The following MAP3K19 variants were observed in gnomAD, a reference collection of about 807,000 sequenced individuals.
MAP3K19 encodes mitogen-activated protein kinase kinase kinase 19.
In MAP3K19, 91 loss-of-function variants were observed where a neutral mutation model predicts 114.4. The observed-to-expected ratio is 0.80, with a 90% CI of 0.67 to 0.95. The LOEUF (loss-of-function observed/expected upper bound fraction) is 0.95, where lower values mean the gene tolerates loss of function less well. Among genes scored for constraint, MAP3K19 ranks in the 40% least tolerant of loss-of-function variants. The probability of loss-of-function intolerance (pLI) is 0.00; values close to 1 mark genes in which losing one functional copy is unlikely to be tolerated. For missense variants in MAP3K19, 1,471 were observed against 1,573.2 expected (o/e 0.94, Z 1.10); for synonymous variants, 518 against 530.5 (o/e 0.98, Z 0.32).
At chr2:135,029,395 C>CA (rs1458232863) in intron 3 of MAP3K19, among the ~76,000 whole-genome samples, 4 of 151,898 alleles carry the variant, frequency 2.6e-5, no homozygotes, top group African/African-American at 9.7e-5. Flanking sequence ...AACAAACAAA[C>CA]AAAAAAACAT....
intron 8 of MAP3K19, among the ~76,000 whole-genome samples, 183 bp from the exon 9 acceptor site, chr2:134,991,763 C>A (rs1685595918): frequency 6.6e-6 from 1 of 152,236 alleles, no homozygotes; most frequent in Admixed American, 6.5e-5. Context: ...CAGGCTGCTG[C>A]CACTAGCAGG....
At chr2:134,992,873 G>GT (rs1404901585) in intron 8 of MAP3K19, among the ~76,000 whole-genome samples, 2 of 151,908 alleles carry the variant, frequency 1.3e-5, no homozygotes, top group Non-Finnish European at 2.9e-5. Context: ...TAGACACGGG[G>GT]TTTCACTATG....
intron 1 of MAP3K19, among the ~76,000 whole-genome samples, chr2:135,041,589 A>G (rs1255532502): frequency 6.6e-6 from 1 of 152,070 alleles, no homozygotes; most frequent in African/African-American, 2.4e-5. Flanking sequence ...TTGGCCTCCC[A>G]AAGTGCTGGG....
chr2:135,013,311 CAA>C (rs774827558), intron 5 of MAP3K19, among the ~76,000 whole-genome samples: 9 of 119,470 alleles, frequency 7.5e-5, no homozygotes, highest in Admixed American at 8.6e-5. Flanking sequence ...GAGTCCGTCC[CAA>C]AAAAAAAAAA....
chr2:135,039,065 G>A (rs1688592842), intron 2 of MAP3K19, among the ~76,000 whole-genome samples: 1 of 148,980 alleles, frequency 6.7e-6, no homozygotes, highest in African/African-American at 2.5e-5. Context: ...GCATGGCAAT[G>A]TTCTAATTTT....
intron 5 of MAP3K19, 35 bp from the exon 6 acceptor site, chr2:135,005,566 G>T (rs758843193): frequency 6.7e-7 from 1 of 1,492,280 alleles, no homozygotes; most frequent in Non-Finnish European, 9.3e-7. Context: ...TCAGTTATTA[G>T]TTATTCGATG....
chr2:134,987,853 T>G lies in MAP3K19; in HGVS notation c.1019A>C (p.Asn340Thr). 6.2e-7 allele frequency: 1 copy of G among 1,611,614 alleles called. No individual in the cohort carries two copies. The highest frequency in any genetic ancestry group is 8.5e-7 in the Non-Finnish European group (1 of 1,180,028). ...ATCCTCTTCCCTAACTGCAGGAATA[T>G]TGCCTTCCTTCAAATTCTCAAAAGA... ...LVSFENLKEG[N>T]IPAVREEDID... The change falls in exon 10 of 13, where the codon AAT (asparagine) becomes ACT (threonine). Residue 340 changes from asparagine (N) to threonine (T), a missense_variant. Physicochemically the swap from Asn to Thr is moderately conservative, Grantham distance 65 (BLOSUM62 0). Transcript: ENST00000392915.
chr2:135,032,888 T>C (rs1190814143), intron 2 of MAP3K19, among the ~76,000 whole-genome samples: 1 of 147,204 alleles, frequency 6.8e-6, no homozygotes, highest in East Asian at 2.0e-4. Flanking sequence ...CATTTAACCC[T>C]GAGTGGACAC....
chr2:134,970,816 C>G (rs538329771), intron 12 of MAP3K19, among the ~76,000 whole-genome samples: 1 of 152,056 alleles, frequency 6.6e-6, no homozygotes, highest in Non-Finnish European at 1.5e-5. Context: ...CCAGGATGGT[C>G]TCGATTTTCT....
chr2:135,022,115 G>C (rs1455997014), intron 4 of MAP3K19, among the ~76,000 whole-genome samples: 1 of 152,168 alleles, frequency 6.6e-6, no homozygotes, highest in African/African-American at 2.4e-5. Context: ...TTTTGAGCAA[G>C]TGAAATATTT....
rs909622931 is a variant in MAP3K19, at chr2:135,013,613, T to C, written c.139-8082A>G. 2.0e-5 allele frequency among the ~76,000 whole-genome samples: 3 copies of C among 152,212 alleles called. No individual in the cohort carries two copies. In the East Asian group the frequency reaches 5.8e-4, roughly 29 times the overall value. On this transcript the variant is annotated intron_variant, in intron 5 of 12. Coordinates refer to ENST00000392915, the MANE Select transcript of MAP3K19 (RefSeq NM_025052.5). ...TCCTTCCCCTCATCCCTTGGTTTTTTAATTTCTAGTTGGTTTATTTTATTT... is the reference window on the plus strand; with the variant it reads ...TCCTTCCCCTCATCCCTTGGTTTTTCAATTTCTAGTTGGTTTATTTTATTT...
chr2:135,010,027 AAT>A (rs1334424127), intron 5 of MAP3K19, among the ~76,000 whole-genome samples: 1 of 152,158 alleles, frequency 6.6e-6, no homozygotes, highest in African/African-American at 2.4e-5. Flanking sequence ...CAGACTGTGA[AAT>A]CTGGGTCCAG....
chr2:134,987,414 G>A lies in MAP3K19; in HGVS notation c.1458C>T (p.His486=), dbSNP rs1337683995. Residue 486 remains histidine, a synonymous_variant, in exon 10 of 13, where the codon CAC becomes CAT. Transcript: ENST00000392915. ...GGCTTCCATCCACAGGGAAGGTGAT[G>A]TGGATAAGAGGCACCATCCTACTCA... ...PEMSRMVPLI[H]ITFPVDGSPK... The A allele has an allele frequency of 6.2e-7, 1 of 1,614,176 alleles. No individual in the cohort carries two copies. The highest frequency in any genetic ancestry group is 1.3e-5 in the African/African-American group (1 of 75,036).
intron 5 of MAP3K19, among the ~76,000 whole-genome samples, chr2:135,009,192 T>C (rs974943481): frequency 1.1e-4 from 17 of 151,464 alleles, no homozygotes; most frequent in African/African-American, 4.1e-4. Context: ...CTCGATCTCC[T>C]GATCTCAAGT....
chr2:135,005,685 T>C (rs1241801157), intron 5 of MAP3K19, among the ~76,000 whole-genome samples, 154 bp from the exon 6 acceptor site: 2 of 152,236 alleles, frequency 1.3e-5, no homozygotes, highest in African/African-American at 4.8e-5. Context: ...TAAGAAAGTA[T>C]CTGCCCTTGG....
chr2:134,994,018 T>TAAATA (rs568194575), intron 8 of MAP3K19, among the ~76,000 whole-genome samples: 5,236 of 152,046 alleles, frequency 0.034, 129 homozygotes, highest in Non-Finnish European at 0.052. Context: ...TCCAAAAAAG[T>TAAATA]AAATAAAATA....
chr2:135,017,062 T>C (rs1559184570), intron 5 of MAP3K19, among the ~76,000 whole-genome samples: 2 of 152,224 alleles, frequency 1.3e-5, no homozygotes, highest in African/African-American at 2.4e-5. Context: ...CTGCATTCCT[T>C]GTTGTTTTGA....
At position 134,983,856 on chromosome 2, in the gene MAP3K19, C is replaced by T. The variant is rs915927088; in HGVS notation, c.3073-31G>A. On this transcript the variant is annotated intron_variant, in intron 10 of 12. Coordinates refer to ENST00000392915, the MANE Select transcript of MAP3K19 (RefSeq NM_025052.5). Reference sequence around the variant, plus strand: ...AGAATGAGACAAAAGGAAAGATGACCATTAAACCAAGTCACTGGGATGGAG... The same window carrying T: ...AGAATGAGACAAAAGGAAAGATGACTATTAAACCAAGTCACTGGGATGGAG... 3.3e-6 allele frequency: 5 copies of T among 1,500,610 alleles called. No individual in the cohort carries two copies. The African/African-American group carries it at 4.3e-5, about 13-fold the overall frequency. 93.0% of individuals were successfully genotyped at this position (1,500,610 alleles called of 1,614,324 possible).
chr2:134,989,974 C>T (rs1485445099), intron 9 of MAP3K19, among the ~76,000 whole-genome samples: 1 of 151,824 alleles, frequency 6.6e-6, no homozygotes, highest in Non-Finnish European at 1.5e-5. Flanking sequence ...CCCAGCTACT[C>T]AGGAGGCTGA....
Sources: allele counts gnomAD v4.1 joint callset (sites outside exome capture counted in the v4.1 genomes callset), GRCh38; gene constraint gnomAD v4.1.1; transcripts MANE v1.5; gene names NCBI Gene and HGNC (gene_info 2026-07-23, HGNC 2026-07-21).